SLC16A7: variants seen among roughly 807,000 people sequenced by gnomAD.
The protein encoded by SLC16A7 is solute carrier family 16 member 7.
SLC16A7 carries 33 observed loss-of-function variants against 34.9 expected under a neutral mutation model. The observed-to-expected ratio is 0.94, with a 90% confidence interval of 0.72 to 1.26. The LOEUF is 1.26. Among genes scored for constraint, SLC16A7 ranks in the 50% most tolerant of loss-of-function variants. SLC16A7 has a pLI of 0.00. For synonymous variants in SLC16A7, 201 were observed against 206.6 expected, an observed-to-expected ratio of 0.97 and a Z score of 0.23; for missense variants, 573 against 578.1, an observed-to-expected ratio of 0.99 and a Z score of 0.09.
intron 2 of SLC16A7, among the ~76,000 whole-genome samples, chr12:59,661,585 A>G (rs1182575745): frequency 6.6e-6 from 1 of 152,092 alleles, no homozygotes; most frequent in Non-Finnish European, 1.5e-5. Context: ...CTTCTATTGA[A>G]TGGATAATAG....
At chr12:59,748,041 A>C (rs1592631115) in intron 3 of SLC16A7, among the ~76,000 whole-genome samples, 1 of 152,186 alleles carries the variant, frequency 6.6e-6, no homozygotes, top group East Asian at 1.9e-4. Flanking sequence ...CATCTCTACT[A>C]AAAATACAAA....
At chr12:59,638,897 C>A (rs1461651702) in intron 1 of SLC16A7, among the ~76,000 whole-genome samples, 6 of 152,102 alleles carry the variant, frequency 3.9e-5, no homozygotes, top group Admixed American at 3.3e-4. Context: ...AATTTAATAG[C>A]TTACAATCCT....
At chr12:59,693,600 T>A (rs2137104263) in intron 2 of SLC16A7, among the ~76,000 whole-genome samples, 1 of 152,074 alleles carries the variant, frequency 6.6e-6, no homozygotes, top group Non-Finnish European at 1.5e-5. Flanking sequence ...TTGGAGCCTA[T>A]ACACTCAAAA....
At chr12:59,763,869 G>A (rs1881268236) in intron 3 of SLC16A7, 2 of 152,194 alleles carry the variant, frequency 1.3e-5, no homozygotes, top group Admixed American at 1.3e-4. Flanking sequence ...CATGAACTGT[G>A]CCCATATAAG....
At chr12:59,759,053 T>C (rs1880721355) in intron 3 of SLC16A7, among the ~76,000 whole-genome samples, 1 of 152,020 alleles carries the variant, frequency 6.6e-6, no homozygotes, top group Non-Finnish European at 1.5e-5. Flanking sequence ...ATTCTGAAAC[T>C]GGACATATAT....
intron 2 of SLC16A7, among the ~76,000 whole-genome samples, chr12:59,677,606 C>T (rs968939284): frequency 3.3e-5 from 5 of 152,246 alleles, no homozygotes; most frequent in Admixed American, 2.0e-4. Flanking sequence ...CTTGTCTTTC[C>T]ACAAGGCTAC....
chr12:59,687,113 A>C lies in SLC16A7; in HGVS notation c.-30-17659A>C, dbSNP rs559068443. On this transcript the variant is annotated intron_variant, in intron 2 of 5. Transcript: ENST00000547379. Reference sequence around the variant, plus strand: ...TCATATAAACTAAAAAAAAATGCTAAAGTCATACTCTTGGTTTGATCTTTT... The same window carrying C: ...TCATATAAACTAAAAAAAAATGCTACAGTCATACTCTTGGTTTGATCTTTT... Among the ~76,000 whole-genome samples the C allele has an allele frequency of 3.9e-5, 6 of 152,034 alleles. No homozygotes were observed. The East Asian group carries it at 1.2e-3, about 29-fold the overall frequency.
intron 3 of SLC16A7, among the ~76,000 whole-genome samples, chr12:59,754,337 C>T (rs1880008449): frequency 6.6e-6 from 1 of 151,704 alleles, no homozygotes; most frequent in South Asian, 2.1e-4. Flanking sequence ...TTGAAAGGAT[C>T]AACAAAATTG....
intron 2 of SLC16A7, among the ~76,000 whole-genome samples, chr12:59,691,022 A>G (rs950816274): frequency 1.3e-5 from 2 of 152,036 alleles, no homozygotes; most frequent in African/African-American, 4.8e-5. Context: ...TTATATTTGC[A>G]TACTAAAGTT....
intron 1 of SLC16A7, among the ~76,000 whole-genome samples, chr12:59,641,326 GTT>G (rs1374605945): frequency 6.6e-6 from 1 of 151,998 alleles, no homozygotes; most frequent in African/African-American, 2.4e-5. Flanking sequence ...GACATTGTGT[GTT>G]CATTTGCTGC....
chr12:59,673,531 A>G (rs1870062223), intron 2 of SLC16A7, among the ~76,000 whole-genome samples: 1 of 152,016 alleles, frequency 6.6e-6, no homozygotes, highest in African/African-American at 2.4e-5. Flanking sequence ...TTTGTTAGCA[A>G]TAAAATATTT....
chr12:59,733,811 AC>A (rs1198152500), intron 3 of SLC16A7: 4 of 455,830 alleles, frequency 8.8e-6, no homozygotes, highest in African/African-American at 2.0e-5. Flanking sequence ...GAGCAACAAA[AC>A]AACTCTTAGG....
chr12:59,618,916 AT>A (rs966957377), intron 1 of SLC16A7, among the ~76,000 whole-genome samples: 3 of 152,060 alleles, frequency 2.0e-5, no homozygotes, highest in Non-Finnish European at 4.4e-5. Flanking sequence ...CGTTTTCTAT[AT>A]AAAGTTTAAT....
At chr12:59,751,922 G>A (rs1487714992) in intron 3 of SLC16A7, among the ~76,000 whole-genome samples, 2 of 152,116 alleles carry the variant, frequency 1.3e-5, no homozygotes, top group African/African-American at 2.4e-5. Flanking sequence ...CCAGAGGAAC[G>A]ATCAGACAGC....
intron 2 of SLC16A7, among the ~76,000 whole-genome samples, chr12:59,660,824 AC>A (rs1399319967): frequency 6.6e-6 from 1 of 152,152 alleles, no homozygotes; most frequent in Non-Finnish European, 1.5e-5. Context: ...AGGATCTCAT[AC>A]CCTGTGAGAT....
chr12:59,638,001 C>A (rs899735588), intron 1 of SLC16A7, among the ~76,000 whole-genome samples: 5 of 152,210 alleles, frequency 3.3e-5, no homozygotes, highest in South Asian at 4.1e-4. Flanking sequence ...ATTTCCAGAA[C>A]TGTGAGCCAG....
intron 2 of SLC16A7, among the ~76,000 whole-genome samples, chr12:59,674,151 T>C (rs954794715): frequency 3.3e-5 from 5 of 152,180 alleles, no homozygotes; most frequent in Non-Finnish European, 7.4e-5. Context: ...ATTTATGTAA[T>C]ATTAGAAGAA....
chr12:59,782,459 A>T lies in SLC16A7; in HGVS notation c.*2780A>T, dbSNP rs1883315291. ...TTCTGCCTCTGCAACAATTAGTATG[A>T]ACATATTTCTTTCTCTAGGGAATAA... On this transcript the variant is annotated 3_prime_UTR_variant, in exon 6 of 6. Transcript: ENST00000547379. 1 of 152,188 alleles carries T rather than the reference A, an allele frequency of 6.6e-6. No individual in the cohort carries two copies. The highest frequency in any genetic ancestry group is 2.1e-4 in the South Asian group (1 of 4,832). 9.4% of individuals were successfully genotyped at this position (152,188 alleles called of 1,614,324 possible). A position where few individuals can be genotyped will look rare whatever the true frequency, so the allele number is the denominator to read the frequency against.
chr12:59,632,461 T>G (rs980052839), intron 1 of SLC16A7, among the ~76,000 whole-genome samples: 1 of 151,962 alleles, frequency 6.6e-6, no homozygotes, highest in Admixed American at 6.6e-5. Flanking sequence ...GTTCTGGGAC[T>G]AGGGTTGGGT....
Sources: allele counts gnomAD v4.1 joint callset (sites outside exome capture counted in the v4.1 genomes callset), GRCh38; gene constraint gnomAD v4.1.1; transcripts MANE v1.5; gene names NCBI Gene and HGNC (gene_info 2026-07-23, HGNC 2026-07-21).